ACSL3: variants seen among roughly 807,000 people sequenced by gnomAD.
ACSL3 encodes fatty acid CoA ligase Acsl3.
In ACSL3, 34 loss-of-function variants were observed where a neutral mutation model predicts 84.7. The ratio of observed to expected loss-of-function variants is 0.40; its 90% confidence interval spans 0.31 to 0.53. The LOEUF is 0.53. Ranked by LOEUF, ACSL3 falls within the 20% of genes least tolerant of loss-of-function variation. The probability of loss-of-function intolerance (pLI) is 0.48; values close to 1 mark genes in which losing one functional copy is unlikely to be tolerated. For synonymous variants in ACSL3, 315 were observed against 299.4 expected (o/e 1.05, Z -0.54); for missense variants, 680 against 873.1 (o/e 0.78, Z 2.79).
chr2:222,866,294 C>T (rs1695136971), intron 1 of ACSL3, among the ~76,000 whole-genome samples: 1 of 152,038 alleles, frequency 6.6e-6, no homozygotes, highest in Admixed American at 6.6e-5. Flanking sequence ...TACAGGTGCC[C>T]ACCACCATGC....
At chr2:222,908,137 T>G (rs1696344396) in intron 3 of ACSL3, among the ~76,000 whole-genome samples, 1 of 152,216 alleles carries the variant, frequency 6.6e-6, no homozygotes, top group Admixed American at 6.5e-5. Flanking sequence ...TTTCAATAAA[T>G]CTGATGAATG....
chr2:222,925,026 G>A (rs1696840758), intron 11 of ACSL3, among the ~76,000 whole-genome samples: 3 of 47,116 alleles, frequency 6.4e-5, no homozygotes, highest in South Asian at 3.0e-3. Context: ...GCGAGAATCC[G>A]TCTCAAAAAA....
In ACSL3 at chr2:222,923,111, A is replaced by G; in HGVS notation, c.1114A>G (p.Thr372Ala). 17 of 1,613,986 alleles carry G rather than the reference A, an allele frequency of 1.1e-5. No homozygotes were observed. The highest frequency in any genetic ancestry group is 1.4e-5 in the Non-Finnish European group (17 of 1,179,888). The change falls in exon 10 of 17, where the codon ACA (threonine) becomes GCA (alanine). Residue 372 changes from threonine (T) to alanine (A), a missense_variant. Thr to Ala is a moderately conservative substitution (Grantham distance 58). Around this residue, in one of 2 missense-constraint regions of ACSL3, gnomAD observed 347 missense variants for 525.7 expected, o/e 0.66. Coordinates refer to ENST00000357430, the MANE Select transcript of ACSL3 (RefSeq NM_004457.5). ...SKIKKGSKGD[T>A]SMLKPTLMAA... ...AATTAAAAAAGGAAGCAAAGGGGAT[A>G]CATCCATGTTGAAACCAACACTGAT...
intron 4 of ACSL3, among the ~76,000 whole-genome samples, chr2:222,909,402 AG>A (rs1696382074): frequency 6.6e-6 from 1 of 152,154 alleles, no homozygotes; most frequent in South Asian, 2.1e-4. Flanking sequence ...TGGAATGTCT[AG>A]GGCAGTTTTG....
chr2:222,908,040 C>T (rs578212857), intron 3 of ACSL3, among the ~76,000 whole-genome samples: 157 of 152,288 alleles, frequency 1.0e-3, no homozygotes, highest in African/African-American at 3.7e-3. Context: ...TCCCAGTGAA[C>T]GTGTAGGTTG....
chr2:222,916,407 A>G lies in ACSL3; in HGVS notation c.467A>G (p.Gln156Arg), dbSNP rs1696585461. The change falls in exon 5 of 17, where the codon CAG becomes CGG. Residue 156 changes from glutamine (Q) to arginine (R), a missense_variant. Gln to Arg is a conservative substitution (Grantham distance 43). This residue lies in a region of ACSL3 where 333 missense variants were observed against 347.5 expected (regional missense o/e 0.96). Transcript: ENST00000357430. ...GGAAATGGATTACAGATGTTGGGTCAGAAACCAAAGACCAACATCGCCATC... is the reference window on the plus strand; with the variant it reads ...GGAAATGGATTACAGATGTTGGGTCGGAAACCAAAGACCAACATCGCCATC... ...NFGNGLQMLG[Q>R]KPKTNIAIFC... 2 of 1,614,138 alleles carry G rather than the reference A, an allele frequency of 1.2e-6. No homozygotes were observed. The highest frequency in any genetic ancestry group is 2.2e-5 in the East Asian group (1 of 44,886).
chr2:222,861,844 CT>C, intron 1 of ACSL3: 1 of 152,290 alleles, frequency 6.6e-6, no homozygotes, highest in Non-Finnish European at 1.5e-5. Context: ...TGCAGCTTTG[CT>C]TTTCCCCAAG....
intron 2 of ACSL3, among the ~76,000 whole-genome samples, chr2:222,896,803 C>T (rs1202051779): frequency 6.2e-5 from 1 of 16,148 alleles, no homozygotes; most frequent in Non-Finnish European, 9.3e-5. Context: ...ACCTCCCGGA[C>T]GGGGCGGCTG....
At chr2:222,880,108 A>G (rs1030033728) in intron 1 of ACSL3, among the ~76,000 whole-genome samples, 3 of 152,212 alleles carry the variant, frequency 2.0e-5, no homozygotes, top group Non-Finnish European at 2.9e-5. Context: ...CAAAAGTCCC[A>G]TGACTATTTC....
At chr2:222,934,769 G>T (rs536417257) in intron 16 of ACSL3, 82 bp downstream of exon 16, 1 of 1,423,076 alleles carries the variant, frequency 7.0e-7, no homozygotes, top group Non-Finnish European at 9.5e-7. Context: ...TAAGGTTTAG[G>T]GTTCATTACT....
intron 4 of ACSL3, among the ~76,000 whole-genome samples, chr2:222,910,694 C>T (rs1696418859): frequency 6.6e-6 from 1 of 152,170 alleles, no homozygotes; most frequent in African/African-American, 2.4e-5. Flanking sequence ...ATGTAAATTT[C>T]CTCACGTTTA....
At chr2:222,907,432 G>T (rs1696321595) in intron 3 of ACSL3, among the ~76,000 whole-genome samples, 1 of 152,170 alleles carries the variant, frequency 6.6e-6, no homozygotes, top group Admixed American at 6.5e-5. Flanking sequence ...GCTGGGTAGG[G>T]TTAACTAGTT....
chr2:222,930,681 G>C lies in ACSL3; in HGVS notation c.1601G>C (p.Ser534Thr), dbSNP rs775868759. The part of the protein sequence containing the change: ...PRGEILIGGQ[S>T]VTMGYYKNEA... ...GGTGAAATTCTTATTGGGGGCCAAA[G>C]TGTGACAATGGGGTACTACAAAAAT... The change falls in exon 14 of 17, where the codon AGT (serine) becomes ACT (threonine). Residue 534 changes from serine to threonine, a missense_variant. This residue lies in a region of ACSL3 where 347 missense variants were observed against 525.7 expected (regional missense o/e 0.66). Transcript: ENST00000357430. The C allele has an allele frequency of 6.2e-7, 1 of 1,614,026 alleles. No individual in the cohort carries two copies. Among genetic ancestry groups the C allele is most frequent in the Non-Finnish European group, 8.5e-7 (1 of 1,179,998 alleles).
At chr2:222,891,227 A>G (rs889795636) in intron 2 of ACSL3, among the ~76,000 whole-genome samples, 3 of 152,348 alleles carry the variant, frequency 2.0e-5, no homozygotes, top group East Asian at 3.9e-4. Flanking sequence ...AGTACTGAAA[A>G]GAGTAAAGAA....
At chr2:222,916,046 C>T (rs1341500002) in intron 4 of ACSL3, among the ~76,000 whole-genome samples, 1 of 152,024 alleles carries the variant, frequency 6.6e-6, no homozygotes, top group Non-Finnish European at 1.5e-5. Flanking sequence ...CCTTTACGAG[C>T]CTATCAAACT....
chr2:222,871,315 G>A (rs1695297319), intron 1 of ACSL3, among the ~76,000 whole-genome samples: 1 of 152,184 alleles, frequency 6.6e-6, no homozygotes, highest in Non-Finnish European at 1.5e-5. Flanking sequence ...TTTTAAAAAT[G>A]CGAAGTGGGA....
chr2:222,928,075 T>G (rs1574563102), intron 12 of ACSL3, among the ~76,000 whole-genome samples: 1 of 152,244 alleles, frequency 6.6e-6, no homozygotes, highest in South Asian at 2.1e-4. Context: ...CAGTTTATGT[T>G]TTAAATAAAA....
At chr2:222,918,895 C>T (rs1696655696) in intron 6 of ACSL3, among the ~76,000 whole-genome samples, 169 bp from the exon 7 acceptor site, 1 of 151,970 alleles carries the variant, frequency 6.6e-6, no homozygotes, top group African/African-American at 2.4e-5. Flanking sequence ...TAAATTCAGA[C>T]CAATACTTAA....
chr2:222,879,443 C>T (rs1244973088), intron 1 of ACSL3, among the ~76,000 whole-genome samples: 1 of 152,218 alleles, frequency 6.6e-6, no homozygotes, highest in African/African-American at 2.4e-5. Flanking sequence ...CGATCTCAGG[C>T]TACTTGTGAT....
Sources: gnomAD v4.1 joint callset for allele counts (sites outside exome capture counted in the v4.1 genomes callset) on GRCh38, gnomAD v4.1.1 for gene constraint, gnomAD v4.1.1 regional missense constraint, MANE v1.5 for transcripts, NCBI Gene and HGNC (gene_info 2026-07-23, HGNC 2026-07-21) for gene names.